The following EFNA5 variants were observed in gnomAD, a reference collection of about 807,000 sequenced individuals.
EFNA5 encodes ephrin-A5.
In EFNA5, 5 loss-of-function variants were observed where a neutral mutation model predicts 22.9. The ratio of observed to expected loss-of-function variants is 0.22; its 90% CI spans 0.11 to 0.46. The LOEUF (loss-of-function observed/expected upper bound fraction) is 0.46, where lower values mean the gene tolerates loss of function less well. Among genes scored for constraint, EFNA5 ranks in the 20% least tolerant of loss-of-function variants. The probability of loss-of-function intolerance (pLI) is 0.99; values close to 1 mark genes in which losing one functional copy is unlikely to be tolerated. For missense variants in EFNA5, 237 were observed against 293.3 expected, an observed-to-expected ratio of 0.81 and a Z score of 1.40; for synonymous variants, 113 against 112.2, an observed-to-expected ratio of 1.01 and a Z score of -0.04.
intron 1 of EFNA5, among the ~76,000 whole-genome samples, chr5:107,566,531 A>G (rs546751719): frequency 6.6e-6 from 1 of 152,354 alleles, no homozygotes; most frequent in Non-Finnish European, 1.5e-5. Context: ...ATCATTTCCA[A>G]TGCTTTTCTT....
At chr5:107,482,577 G>C (rs997645800) in intron 1 of EFNA5, among the ~76,000 whole-genome samples, 13 of 152,100 alleles carry the variant, frequency 8.5e-5, no homozygotes, top group African/African-American at 3.1e-4. Context: ...TAGCTGCACT[G>C]GGAGTTGCCA....
At chr5:107,670,145 C>T (rs908835569) in intron 1 of EFNA5, among the ~76,000 whole-genome samples, 7 of 151,904 alleles carry the variant, frequency 4.6e-5, no homozygotes, top group Non-Finnish European at 8.8e-5. Flanking sequence ...TGGGGGCTCC[C>T]CGCGCCGGGA....
chr5:107,424,164 C>T (rs1238116921), intron 2 of EFNA5, among the ~76,000 whole-genome samples: 1 of 150,978 alleles, frequency 6.6e-6, no homozygotes, highest in Non-Finnish European at 1.5e-5. Context: ...AGCAGGATGG[C>T]CAAAAAGCTA....
At chr5:107,390,423 C>T (rs1293851954) in intron 2 of EFNA5, among the ~76,000 whole-genome samples, 1 of 151,972 alleles carries the variant, frequency 6.6e-6, no homozygotes, top group Non-Finnish European at 1.5e-5. Flanking sequence ...AAACAAAAGG[C>T]AGAGGACTGA....
chr5:107,466,635 C>A (rs1022742242), intron 1 of EFNA5, among the ~76,000 whole-genome samples: 1 of 152,178 alleles, frequency 6.6e-6, no homozygotes. Flanking sequence ...CTTTCTGTCA[C>A]AGTTAATGAA....
intron 1 of EFNA5, among the ~76,000 whole-genome samples, chr5:107,498,171 C>T (rs538287793): frequency 1.3e-5 from 2 of 152,342 alleles, no homozygotes; most frequent in Middle Eastern, 6.8e-3. Context: ...CTTTCTCGGC[C>T]TCCCAAAGTG....
Position 107,532,311 on chromosome 5 carries a change from G to A in EFNA5, c.126-104802C>T, listed in dbSNP as rs545810821. 5.0e-4 allele frequency among the ~76,000 whole-genome samples: 76 copies of A among 152,350 alleles called. 2 individuals are homozygous for A. Among genetic ancestry groups the A allele is most frequent in the East Asian group, 1.4e-3 (7 of 5,180 alleles). ...GGGAGACATCTGATAGGTAAAGTCAGTCTGGCCCTGGGGCCATGACCTCAT... is the reference window on the plus strand; with the variant it reads ...GGGAGACATCTGATAGGTAAAGTCAATCTGGCCCTGGGGCCATGACCTCAT... On this transcript the variant is annotated intron_variant, in intron 1 of 4. Coordinates refer to ENST00000333274, the MANE Select transcript of EFNA5 (RefSeq NM_001962.3).
At chr5:107,479,563 G>A (rs1750400994) in intron 1 of EFNA5, among the ~76,000 whole-genome samples, 1 of 152,114 alleles carries the variant, frequency 6.6e-6, no homozygotes, top group South Asian at 2.1e-4. Context: ...AAGTTTTCTA[G>A]GGAGCCACTC....
rs1261420382 is a variant in EFNA5, at chr5:107,381,000, A to G, written c.*255T>C. On this transcript the variant is annotated 3_prime_UTR_variant, in exon 5 of 5. Coordinates refer to ENST00000333274, the MANE Select transcript of EFNA5 (RefSeq NM_001962.3). The stretch of plus-strand genomic sequence containing the variant: ...AATTTGGCATTTTCATCTGGAGTCC[A>G]TTTAATTTGGGAGGGGTGAGAGAAG... The G allele has an allele frequency of 4.9e-6, 1 of 203,112 alleles. No homozygotes were observed. Among genetic ancestry groups the G allele is most frequent in the African/African-American group, 3.4e-5 (1 of 29,024 alleles). 12.6% of individuals were successfully genotyped at this position (203,112 alleles called of 1,614,324 possible).
rs115298718 is a variant in EFNA5 at position 107,510,252 on chromosome 5, C to T, written c.126-82743G>A. 9.9e-3 allele frequency among the ~76,000 whole-genome samples: 1,507 copies of T among 152,250 alleles called. 20 individuals carry two copies. The highest frequency in any genetic ancestry group is 0.034 in the African/African-American group (1,416 of 41,558). On this transcript the variant is annotated intron_variant, in intron 1 of 4. Transcript: ENST00000333274. ...TGCTAAAAGACACTCCCACCAGTGCCATGACAGTTACAAATGCCATGGCAA... is the reference window on the plus strand; with the variant it reads ...TGCTAAAAGACACTCCCACCAGTGCTATGACAGTTACAAATGCCATGGCAA...
chr5:107,629,756 T>C (rs922247602), intron 1 of EFNA5, among the ~76,000 whole-genome samples: 2 of 152,216 alleles, frequency 1.3e-5, no homozygotes, highest in African/African-American at 2.4e-5. Flanking sequence ...GTAAACTTTC[T>C]TAAAACATTA....
At chr5:107,643,775 G>A (rs1214248099) in intron 1 of EFNA5, among the ~76,000 whole-genome samples, 2 of 151,958 alleles carry the variant, frequency 1.3e-5, no homozygotes, top group African/African-American at 4.8e-5. Context: ...TCAAAAAAGA[G>A]TCATGTTTTA....
At chr5:107,421,734 T>C (rs1186809206) in intron 2 of EFNA5, among the ~76,000 whole-genome samples, 1 of 152,106 alleles carries the variant, frequency 6.6e-6, no homozygotes, top group South Asian at 2.1e-4. Flanking sequence ...TTTTAAAAAA[T>C]ATAAAGTGTA....
rs534106094 is a variant in EFNA5 at position 107,523,971 on chromosome 5, G to C, written c.126-96462C>G. On this transcript the variant is annotated intron_variant, in intron 1 of 4. Transcript: ENST00000333274. ...ACAGCAATTTAAAGTATCAGGTTGG[G>C]TTCTGAATGAATATCTTTAAGGTTC... Among the ~76,000 whole-genome samples the C allele has an allele frequency of 7.2e-5, 11 of 152,310 alleles. No individual in the cohort carries two copies. In the South Asian group the frequency reaches 1.0e-3, roughly 14 times the overall value.
chr5:107,389,006 T>C (rs570324228), intron 2 of EFNA5, among the ~76,000 whole-genome samples: 2 of 152,320 alleles, frequency 1.3e-5, no homozygotes, highest in East Asian at 3.9e-4. Context: ...GTAACCCTCC[T>C]GGAGGAGAAC....
chr5:107,496,580 C>T (rs1211439139), intron 1 of EFNA5, among the ~76,000 whole-genome samples: 1 of 152,166 alleles, frequency 6.6e-6, no homozygotes, highest in Non-Finnish European at 1.5e-5. Flanking sequence ...TTCCTGCTCT[C>T]ACTGACACAG....
rs148136036 is a variant in EFNA5, at chr5:107,605,166, G to C, written c.125+65323C>G. On this transcript the variant is annotated intron_variant, in intron 1 of 4. Transcript: ENST00000333274. ...GGGGGTGGGGATGGGGGGGGAAGCA[G>C]AGCTAACTAGAGGCAGCTGTTAGGA... 1.1e-4 allele frequency among the ~76,000 whole-genome samples: 17 copies of C among 152,086 alleles called. No homozygotes were observed. In the East Asian group the frequency reaches 2.7e-3, roughly 24 times the overall value.
At chr5:107,539,659 G>C (rs192629248) in intron 1 of EFNA5, among the ~76,000 whole-genome samples, 1 of 151,952 alleles carries the variant, frequency 6.6e-6, no homozygotes, top group East Asian at 1.9e-4. Flanking sequence ...GGGTTTCACC[G>C]TGTTGGCCAG....
At chr5:107,527,989 T>C (rs1747732414) in intron 1 of EFNA5, among the ~76,000 whole-genome samples, 1 of 152,064 alleles carries the variant, frequency 6.6e-6, no homozygotes, top group Non-Finnish European at 1.5e-5. Context: ...AGCCAGCAAA[T>C]AAAATGACTT....
Sources: gnomAD v4.1 joint callset for allele counts (sites outside exome capture counted in the v4.1 genomes callset) on GRCh38, gnomAD v4.1.1 for gene constraint, MANE v1.5 for transcripts, NCBI Gene and HGNC (gene_info 2026-07-23, HGNC 2026-07-21) for gene names.